EYS: variants seen among roughly 807,000 people sequenced by gnomAD.
The protein encoded by EYS is protein eyes shut homolog.
Under a neutral mutation model 282.1 loss-of-function variants are expected in EYS, and 250 were observed. The ratio of observed to expected loss-of-function variants is 0.89; its 90% CI spans 0.80 to 0.98. EYS has a LOEUF of 0.98. Ranked by LOEUF, EYS falls within the 50% of genes least tolerant of loss-of-function variation. The pLI is 0.00. For missense variants in EYS, 4,016 were observed against 3,709.0 expected (o/e 1.08, Z -2.15); for synonymous variants, 1,355 against 1,282.9 (o/e 1.06, Z -1.20).
chr6:63,991,845 G>A (rs1237894879), intron 34 of EYS, among the ~76,000 whole-genome samples: 2 of 151,628 alleles, frequency 1.3e-5, no homozygotes, highest in Non-Finnish European at 3.0e-5. Context: ...CACAAAAAAG[G>A]CAACTTGTCA....
chr6:64,666,839 A>T (rs1769247151), intron 22 of EYS, among the ~76,000 whole-genome samples: 1 of 152,176 alleles, frequency 6.6e-6, no homozygotes, highest in Non-Finnish European at 1.5e-5. Context: ...GGGCTATGTA[A>T]GAATTATTTT....
intron 2 of EYS, among the ~76,000 whole-genome samples, chr6:65,602,841 TGACACACTTTTAA>T (rs1428899448): frequency 3.9e-5 from 6 of 151,966 alleles, no homozygotes; most frequent in African/African-American, 1.2e-4. Flanking sequence ...CTCCATGGCG[TGACACACTTTTAA>T]GTTTGCCTAA....
intron 14 of EYS, among the ~76,000 whole-genome samples, chr6:64,951,174 G>A (rs2144715): frequency 0.89 from 134,354 of 151,712 alleles, 59,522 homozygotes; most frequent in Non-Finnish European, 0.9. Flanking sequence ...AAATTACACA[G>A]AAGTAAAGCA....
intron 5 of EYS, among the ~76,000 whole-genome samples, chr6:65,484,702 T>C (rs567745661): frequency 7.2e-5 from 11 of 152,272 alleles, no homozygotes; most frequent in African/African-American, 2.6e-4. Flanking sequence ...GTTATGTCTA[T>C]GTTATATGTG....
intron 5 of EYS, among the ~76,000 whole-genome samples, chr6:65,455,770 T>C (rs901974878): frequency 1.3e-5 from 2 of 152,090 alleles, no homozygotes; most frequent in African/African-American, 4.8e-5. Context: ...AAGTCTTCCA[T>C]CAAAGAGAAG....
intron 22 of EYS, among the ~76,000 whole-genome samples, chr6:64,721,785 C>T (rs925819282): frequency 1.3e-5 from 2 of 152,050 alleles, no homozygotes; most frequent in African/African-American, 2.4e-5. Flanking sequence ...GTATAATCAC[C>T]ACATTGAAAT....
At chr6:64,540,179 G>C (rs1294202240) in intron 26 of EYS, among the ~76,000 whole-genome samples, 1 of 152,184 alleles carries the variant, frequency 6.6e-6, no homozygotes, top group Non-Finnish European at 1.5e-5. Flanking sequence ...TTTAAATCCT[G>C]TGGGGAGAAT....
chr6:64,339,886 G>A (rs1771027566), intron 29 of EYS, among the ~76,000 whole-genome samples: 1 of 151,626 alleles, frequency 6.6e-6, no homozygotes, highest in African/African-American at 2.4e-5. Context: ...AGTGGACTTT[G>A]GGGACCTGGC....
intron 31 of EYS, among the ~76,000 whole-genome samples, chr6:64,123,459 A>G (rs1773657773): frequency 6.6e-6 from 1 of 152,200 alleles, no homozygotes; most frequent in Non-Finnish European, 1.5e-5. Context: ...GCATGGGTAA[A>G]TGAACGCCGG....
At chr6:64,150,905 T>C (rs1399722388) in intron 31 of EYS, among the ~76,000 whole-genome samples, 2 of 152,126 alleles carry the variant, frequency 1.3e-5, no homozygotes, top group Non-Finnish European at 2.9e-5. Flanking sequence ...ATATTAACAA[T>C]TTTATGAGGA....
intron 33 of EYS, among the ~76,000 whole-genome samples, chr6:64,001,118 G>A (rs1582109810): frequency 1.3e-5 from 2 of 152,174 alleles, no homozygotes; most frequent in African/African-American, 4.8e-5. Flanking sequence ...GAGATAATCC[G>A]TTGACTGGCT....
At chr6:65,226,878 C>T (rs1766639237) in intron 12 of EYS, among the ~76,000 whole-genome samples, 1 of 152,122 alleles carries the variant, frequency 6.6e-6, no homozygotes, top group Non-Finnish European at 1.5e-5. Flanking sequence ...ATCCAAATAT[C>T]CATCGGATGA....
intron 29 of EYS, among the ~76,000 whole-genome samples, chr6:64,315,467 A>G (rs1769918997): frequency 6.6e-6 from 1 of 151,944 alleles, no homozygotes. Flanking sequence ...CATACACAAA[A>G]AGAACATTTC....
intron 19 of EYS, among the ~76,000 whole-genome samples, chr6:64,839,172 G>T (rs999166102): frequency 1.3e-5 from 2 of 151,920 alleles, no homozygotes; most frequent in African/African-American, 4.8e-5. Context: ...CAATCATACT[G>T]AATTAATTTT....
At chr6:65,118,786 T>G (rs1775449081) in intron 12 of EYS, among the ~76,000 whole-genome samples, 1 of 151,650 alleles carries the variant, frequency 6.6e-6, no homozygotes, top group Non-Finnish European at 1.5e-5. Flanking sequence ...TTGTGACAAA[T>G]GGATCACTAG....
chr6:64,327,787 G>A (rs614395), intron 29 of EYS, among the ~76,000 whole-genome samples: 3 of 151,958 alleles, frequency 2.0e-5, no homozygotes, highest in Non-Finnish European at 4.4e-5. Flanking sequence ...AGAAAGTCCA[G>A]CCCTCTATGC....
intron 2 of EYS, among the ~76,000 whole-genome samples, chr6:65,497,497 A>G (rs59324743): frequency 0.011 from 1,640 of 152,086 alleles, 26 homozygotes; most frequent in African/African-American, 0.037. Flanking sequence ...TAAGGAAGTA[A>G]GAGAAGTGGA....
intron 26 of EYS, among the ~76,000 whole-genome samples, chr6:64,470,329 A>G (rs536027170): frequency 6.6e-6 from 1 of 152,376 alleles, no homozygotes; most frequent in Admixed American, 6.5e-5. Context: ...ATTGTGAGGT[A>G]ACACAGAATA....
At chr6:64,489,742 C>T (rs919705784) in intron 26 of EYS, among the ~76,000 whole-genome samples, 10 of 150,452 alleles carry the variant, frequency 6.6e-5, no homozygotes, top group Admixed American at 2.0e-4. Context: ...TTTAAAATAA[C>T]GTACTTCATC....
Sources: allele counts gnomAD v4.1 joint callset (sites outside exome capture counted in the v4.1 genomes callset), GRCh38; gene constraint gnomAD v4.1.1; transcripts MANE v1.5; gene names NCBI Gene and HGNC (gene_info 2026-07-23, HGNC 2026-07-21).